PCDHGA4: variants seen among roughly 807,000 people sequenced by gnomAD.
PCDHGA4 encodes protocadherin gamma subfamily A, 4, also known as protocadherin gamma-A4.
PCDHGA4 carries 38 observed loss-of-function variants against 54.6 expected under a neutral mutation model. The observed-to-expected ratio is 0.70, with a 90% CI of 0.54 to 0.91. PCDHGA4 has a LOEUF of 0.91. PCDHGA4 is among the 40% of genes least tolerant of loss of function. PCDHGA4 has a pLI of 0.00. For missense variants in PCDHGA4, 1,298 were observed against 1,220.9 expected (o/e 1.06, Z -0.94); for synonymous variants, 511 against 512.9 (o/e 1.00, Z 0.05).
At chr5:141,427,812 G>A (rs1380721111) in intron 1 of PCDHGA4, 1 of 1,524,286 alleles carries the variant, frequency 6.6e-7, no homozygotes, top group African/African-American at 1.4e-5. Context: ...CGCACAGAGC[G>A]GGGTGGTGGT....
chr5:141,449,569 A>G (rs1340921687), intron 1 of PCDHGA4, among the ~76,000 whole-genome samples: 2 of 148,390 alleles, frequency 1.3e-5, no homozygotes, highest in East Asian at 3.9e-4. Flanking sequence ...AGCCTGGGCG[A>G]CAGAGCAAGA....
chr5:141,387,492 G>C (rs779250536), intron 1 of PCDHGA4, among the ~76,000 whole-genome samples: 1 of 152,220 alleles, frequency 6.6e-6, no homozygotes, highest in Non-Finnish European at 1.5e-5. Flanking sequence ...GCATTCCTAA[G>C]AGTACATTTT....
At chr5:141,434,693 T>C (rs2097710124) in intron 1 of PCDHGA4, among the ~76,000 whole-genome samples, 1 of 152,034 alleles carries the variant, frequency 6.6e-6, no homozygotes, top group Non-Finnish European at 1.5e-5. Context: ...TTGCTGTTAA[T>C]AAATATGTGG....
At chr5:141,400,143 T>C (rs2093969868) in intron 1 of PCDHGA4, 2 of 1,613,986 alleles carry the variant, frequency 1.2e-6, no homozygotes, top group Admixed American at 3.3e-5. Flanking sequence ...CGGATATCAC[T>C]GACCGCCCTG....
Position 141,490,310 on chromosome 5 carries a change from A to G in PCDHGA4, c.2515-4497A>G. 2 of 1,614,082 alleles carry G rather than the reference A, an allele frequency of 1.2e-6. No homozygotes were observed. Among genetic ancestry groups the G allele is most frequent in the South Asian group, 2.2e-5 (2 of 91,078 alleles). ...GAGGTGCTATTGGCCTCTTTGGCCA[A>G]CCCTGTCCTAGAGAGCACACCAGTG... On this transcript the variant is annotated intron_variant, in intron 1 of 3. Transcript: ENST00000571252. The surrounding 1 kb of genome is among the most constrained non-coding windows in gnomAD (Gnocchi z 5.4).
intron 1 of PCDHGA4, chr5:141,410,277 T>A (rs1461250700): frequency 1.9e-6 from 3 of 1,613,896 alleles, no homozygotes; most frequent in Non-Finnish European, 2.5e-6. Context: ...CAGTTTTACC[T>A]GGTGGTGGCC....
intron 1 of PCDHGA4, chr5:141,382,901 TGGC>T (rs1204971797): frequency 6.5e-7 from 1 of 1,543,194 alleles, no homozygotes; most frequent in African/African-American, 1.4e-5. Context: ...AGGACGACTA[TGGC>T]GGCTCAGCCG....
At chr5:141,367,805 G>T (rs1765340857) in intron 1 of PCDHGA4, 1 of 152,034 alleles carries the variant, frequency 6.6e-6, no homozygotes. Context: ...TTCTGTTATA[G>T]ATAAACCCTT....
chr5:141,506,760 G>A (rs1018086132), intron 3 of PCDHGA4, among the ~76,000 whole-genome samples: 1 of 152,128 alleles, frequency 6.6e-6, no homozygotes, highest in Non-Finnish European at 1.5e-5. Context: ...CTAGCTTCTG[G>A]AGCAGCAAAT....
rs1173306822 is a variant in PCDHGA4 at position 141,431,115 on chromosome 5, T to C, written c.2515-63692T>C. The C allele has an allele frequency of 9.3e-6, 15 of 1,613,492 alleles. No individual in the cohort carries two copies. The highest frequency in any genetic ancestry group is 1.3e-5 in the Non-Finnish European group (15 of 1,179,878). On this transcript the variant is annotated intron_variant, in intron 1 of 3. Coordinates refer to ENST00000571252, the MANE Select transcript of PCDHGA4 (RefSeq NM_018917.4). The surrounding 1 kb of genome is among the most constrained non-coding windows in gnomAD (Gnocchi z 4.8). The stretch of plus-strand genomic sequence containing the variant: ...GAGGATAAAGTGAAAATATATGGAG[T>C]AGAAGTAGAAGTAAGGGACATTAAC...
chr5:141,393,565 T>G, intron 1 of PCDHGA4: 1 of 1,613,912 alleles, frequency 6.2e-7, no homozygotes, highest in Non-Finnish European at 8.5e-7. Context: ...CGAGTGAAAG[T>G]CCTTGAGAAC....
At chr5:141,423,821 C>A (rs2096784513) in intron 1 of PCDHGA4, 1 of 1,272,728 alleles carries the variant, frequency 7.9e-7, no homozygotes, top group Admixed American at 3.9e-5. Context: ...TTTACTTTGC[C>A]TTTCATGAGA....
chr5:141,510,994 G>A lies in PCDHGA4; in HGVS notation c.2710G>A (p.Gly904Arg). ...CCTGGGAGGGGGTGCCGGCACCATG[G>A]GATTGAGCGCCCGCTACGGACCCCA... ...STLGGGAGTM[G>R]LSARYGPQFT... The change falls in exon 4 of 4, where the codon GGA becomes AGA. Residue 904 changes from glycine to arginine, a missense_variant. Physicochemically the swap from Gly to Arg is moderately radical, Grantham distance 125 (BLOSUM62 -2). Transcript: ENST00000571252. 1 of 1,614,168 alleles carries A rather than the reference G, an allele frequency of 6.2e-7. No homozygotes were observed. Among genetic ancestry groups the A allele is most frequent in the Non-Finnish European group, 8.5e-7 (1 of 1,180,022 alleles).
intron 1 of PCDHGA4, chr5:141,392,963 G>C: frequency 6.2e-7 from 1 of 1,613,922 alleles, no homozygotes; most frequent in Non-Finnish European, 8.5e-7. Flanking sequence ...ATATCTCCAA[G>C]GACCTGGGGC....
chr5:141,496,747 A>T (rs13188028), intron 2 of PCDHGA4, among the ~76,000 whole-genome samples: 1 of 152,124 alleles, frequency 6.6e-6, no homozygotes, highest in Non-Finnish European at 1.5e-5. Context: ...CATTTATTCA[A>T]CAAATATTTA....
chr5:141,385,110 C>A (rs1315178545), intron 1 of PCDHGA4: 2 of 1,614,076 alleles, frequency 1.2e-6, no homozygotes, highest in African/African-American at 2.7e-5. Context: ...ACGTGCCCAC[C>A]TCGCACTTTG....
chr5:141,433,098 T>G, intron 1 of PCDHGA4: 1 of 1,614,204 alleles, frequency 6.2e-7, no homozygotes, highest in Non-Finnish European at 8.5e-7. Context: ...GACATGCTCG[T>G]CAGCCAGGAG....
Position 141,486,320 on chromosome 5 carries a change from G to A in PCDHGA4, c.2515-8487G>A, listed in dbSNP as rs764851576. The stretch of plus-strand genomic sequence containing the variant: ...GCAGGATCCAGACTCAGGGTCAAAC[G>A]GAGATGTGAGCCTCCGCATTCCTGA... On this transcript the variant is annotated intron_variant, in intron 1 of 3. Coordinates refer to ENST00000571252, the MANE Select transcript of PCDHGA4 (RefSeq NM_018917.4). This position sits in a 1 kb window ranked among gnomAD's most constrained non-coding sequence, Gnocchi z 5.0. The A allele has an allele frequency of 6.2e-7, 1 of 1,614,010 alleles. No individual in the cohort carries two copies. Among genetic ancestry groups the A allele is most frequent in the South Asian group, 1.1e-5 (1 of 91,060 alleles).
intron 1 of PCDHGA4, chr5:141,422,347 G>A (rs1456770985): frequency 3.9e-6 from 6 of 1,553,980 alleles, no homozygotes; most frequent in Non-Finnish European, 5.2e-6. Context: ...AAATGTGCAA[G>A]ATCAAGATTC....
Sources: gnomAD v4.1 joint callset for allele counts (sites outside exome capture counted in the v4.1 genomes callset) on GRCh38, gnomAD v4.1.1 for gene constraint, Gnocchi (gnomAD v3.1) non-coding constraint, MANE v1.5 for transcripts, NCBI Gene and HGNC (gene_info 2026-07-23, HGNC 2026-07-21) for gene names.